STXBP5L: variants seen among roughly 807,000 people sequenced by gnomAD.
The protein encoded by STXBP5L is syntaxin-binding protein 5-like.
A neutral mutation model predicts 144.5 loss-of-function variants in STXBP5L; 65 were observed. The observed-to-expected ratio is 0.45, with a 90% CI of 0.37 to 0.55. The LOEUF (loss-of-function observed/expected upper bound fraction) is 0.55, where lower values mean the gene tolerates loss of function less well. Among genes scored for constraint, STXBP5L ranks in the 20% least tolerant of loss-of-function variants. The pLI is 0.00. For synonymous variants in STXBP5L, 505 were observed against 469.6 expected (o/e 1.08, Z -0.97); for missense variants, 1,298 against 1,405.5 (o/e 0.92, Z 1.22).
chr3:121,121,962 G>A (rs2044487183), intron 7 of STXBP5L, among the ~76,000 whole-genome samples: 1 of 150,824 alleles, frequency 6.6e-6, no homozygotes, highest in Non-Finnish European at 1.5e-5. Context: ...ACGATAACAT[G>A]TAGAACAACT....
At chr3:120,928,535 A>G (rs973648844) in intron 2 of STXBP5L, among the ~76,000 whole-genome samples, 15 of 152,258 alleles carry the variant, frequency 9.9e-5, no homozygotes, top group African/African-American at 3.6e-4. Context: ...TGCTGGGATT[A>G]CAAGTATGAG....
intron 23 of STXBP5L, among the ~76,000 whole-genome samples, chr3:121,412,376 A>C (rs1465678174): frequency 1.3e-5 from 2 of 152,116 alleles, no homozygotes; most frequent in Non-Finnish European, 2.9e-5. Context: ...CTTCTAAACC[A>C]ATAATTGACC....
intron 3 of STXBP5L, among the ~76,000 whole-genome samples, chr3:121,037,267 T>C (rs1946828573): frequency 6.6e-6 from 1 of 151,900 alleles, no homozygotes; most frequent in Non-Finnish European, 1.5e-5. Context: ...TCTTTTTTTT[T>C]TGAAAGGCTC....
chr3:121,045,608 G>C, intron 5 of STXBP5L, 73 bp downstream of exon 5: 1 of 1,343,158 alleles, frequency 7.4e-7, no homozygotes, highest in Non-Finnish European at 1.0e-6. Flanking sequence ...TTGTTAACTT[G>C]ACAGGCTTTT....
intron 2 of STXBP5L, among the ~76,000 whole-genome samples, chr3:120,929,360 T>A (rs1369356454): frequency 6.6e-6 from 1 of 152,214 alleles, no homozygotes; most frequent in Non-Finnish European, 1.5e-5. Flanking sequence ...TATTATATTG[T>A]ATAGTCAGTC....
At chr3:121,201,187 T>G (rs2048123459) in intron 9 of STXBP5L, among the ~76,000 whole-genome samples, 1 of 152,244 alleles carries the variant, frequency 6.6e-6, no homozygotes, top group Non-Finnish European at 1.5e-5. Context: ...TATCCCAGTA[T>G]GTGGATACCA....
rs2047313042 is a variant in STXBP5L, at chr3:121,419,406, C to T, written c.*309C>T. The T allele has an allele frequency of 4.3e-6, 1 of 234,932 alleles. No individual in the cohort carries two copies. Among genetic ancestry groups the T allele is most frequent in the Non-Finnish European group, 8.1e-6 (1 of 123,290 alleles). The allele number at this position is 234,932 out of a possible 1,614,324, so 14.6% of individuals were successfully genotyped here. A position where few individuals can be genotyped will look rare whatever the true frequency, so the allele number is the denominator to read the frequency against. ...GGGAGTCCTCTTGATTTGAAAATTC[C>T]TGTACAAACAAAAGCATTAATGCAC... On this transcript the variant is annotated 3_prime_UTR_variant, in exon 27 of 27. Coordinates refer to ENST00000471454, the MANE Select transcript of STXBP5L (RefSeq NM_001308330.2).
intron 3 of STXBP5L, among the ~76,000 whole-genome samples, chr3:120,986,580 T>C (rs1942306290): frequency 6.6e-6 from 1 of 151,988 alleles, no homozygotes; most frequent in South Asian, 2.1e-4. Flanking sequence ...AAACATTTTG[T>C]TAATATGTAA....
At chr3:121,128,826 C>T (rs2044838855) in intron 7 of STXBP5L, among the ~76,000 whole-genome samples, 1 of 151,910 alleles carries the variant, frequency 6.6e-6, no homozygotes, top group African/African-American at 2.4e-5. Context: ...ATCACAATAT[C>T]TCATCAGGTT....
chr3:120,994,478 T>C (rs583955), intron 3 of STXBP5L, among the ~76,000 whole-genome samples: 32,436 of 152,020 alleles, frequency 0.21, 3,689 homozygotes, highest in Non-Finnish European at 0.26. Flanking sequence ...GCCTAGTTTG[T>C]TGAGCATTTT....
chr3:121,016,384 A>G (rs950251988), intron 3 of STXBP5L, among the ~76,000 whole-genome samples: 2 of 152,252 alleles, frequency 1.3e-5, no homozygotes, highest in African/African-American at 4.8e-5. Context: ...AACATGGAAG[A>G]TGACTAATGA....
chr3:121,049,715 CTAGT>C (rs1346977955), intron 5 of STXBP5L: 1 of 154,164 alleles, frequency 6.5e-6, no homozygotes, highest in Non-Finnish European at 1.5e-5. Flanking sequence ...TCTACTGGGC[CTAGT>C]TACTCTTCAG....
intron 2 of STXBP5L, among the ~76,000 whole-genome samples, chr3:120,912,542 G>C (rs1287272378): frequency 6.6e-6 from 1 of 151,016 alleles, no homozygotes; most frequent in African/African-American, 2.4e-5. Context: ...GTATAAAGCT[G>C]TACCCTTCAT....
At chr3:121,329,151 T>C (rs752205840) in intron 20 of STXBP5L, among the ~76,000 whole-genome samples, 6 of 152,186 alleles carry the variant, frequency 3.9e-5, no homozygotes, top group Non-Finnish European at 7.3e-5. Flanking sequence ...AAATCTGAGC[T>C]GCACTTCAGG....
intron 12 of STXBP5L, among the ~76,000 whole-genome samples, chr3:121,234,623 G>T (rs535987877): frequency 1.7e-4 from 26 of 151,900 alleles, no homozygotes; most frequent in African/African-American, 6.0e-4. Context: ...GAATAAATCA[G>T]TCCAAATTCT....
intron 2 of STXBP5L, among the ~76,000 whole-genome samples, chr3:120,915,241 C>T (rs930615662): frequency 1.5e-4 from 23 of 152,084 alleles, no homozygotes; most frequent in African/African-American, 2.9e-4. Flanking sequence ...ACTAAGTAAA[C>T]GAAATTTCTG....
chr3:120,936,684 A>T (rs1710281713), intron 2 of STXBP5L, among the ~76,000 whole-genome samples: 1 of 151,356 alleles, frequency 6.6e-6, no homozygotes, highest in African/African-American at 2.4e-5. Flanking sequence ...ATCTCGGTTC[A>T]CCACAACCTC....
chr3:120,991,499 A>G (rs1401963234), intron 3 of STXBP5L, among the ~76,000 whole-genome samples: 2 of 152,234 alleles, frequency 1.3e-5, no homozygotes, highest in Admixed American at 1.3e-4. Context: ...CCAAAGGATT[A>G]TAAATCATGC....
At chr3:120,992,035 T>C (rs568343348) in intron 3 of STXBP5L, among the ~76,000 whole-genome samples, 1 of 152,312 alleles carries the variant, frequency 6.6e-6, no homozygotes, top group South Asian at 2.1e-4. Context: ...TTCCATGTTT[T>C]TGCTTTAAAT....
Sources: gnomAD v4.1 joint callset for allele counts (sites outside exome capture counted in the v4.1 genomes callset) on GRCh38, gnomAD v4.1.1 for gene constraint, MANE v1.5 for transcripts, NCBI Gene and HGNC (gene_info 2026-07-23, HGNC 2026-07-21) for gene names.